MMP26: variants seen among roughly 807,000 people sequenced by gnomAD.
MMP26 encodes matrix metalloproteinase-26.
A neutral mutation model predicts 31.0 loss-of-function variants in MMP26; 33 were observed. The observed-to-expected ratio is 1.06, with a 90% CI of 0.81 to 1.42. MMP26 has a LOEUF of 1.42. Among genes scored for constraint, MMP26 ranks in the 40% most tolerant of loss-of-function variants. The pLI, the probability that MMP26 is intolerant of heterozygous loss-of-function variation, is 0.00. For synonymous variants in MMP26, 122 were observed against 114.9 expected (o/e 1.06, Z -0.40); for missense variants, 347 against 316.1 (o/e 1.10, Z -0.74).
At chr11:4,990,989 A>G (rs1353122928) in intron 5 of MMP26, among the ~76,000 whole-genome samples, 1 of 152,154 alleles carries the variant, frequency 6.6e-6, no homozygotes, top group East Asian at 1.9e-4. Flanking sequence ...TTTCCTTCCA[A>G]AAAGACGATG....
At chr11:4,785,581 T>C (rs1398888882) in intron 2 of MMP26, among the ~76,000 whole-genome samples, 1 of 152,212 alleles carries the variant, frequency 6.6e-6, no homozygotes. Context: ...ACTTTTCAAA[T>C]TCTTAGCTAT....
chr11:4,826,147 C>T (rs1012661723), intron 2 of MMP26, among the ~76,000 whole-genome samples: 1 of 152,076 alleles, frequency 6.6e-6, no homozygotes, highest in African/African-American at 2.4e-5. Context: ...AATCTGCCCT[C>T]TGATAGTTGC....
Position 4,992,322 on chromosome 11 carries a change from C to G in MMP26, c.*80C>G. 1 of 1,387,952 alleles carries G rather than the reference C, an allele frequency of 7.2e-7. No homozygotes were observed. The highest frequency in any genetic ancestry group is 1.0e-6 in the Non-Finnish European group (1 of 1,004,278). The allele number at this position is 1,387,952 out of a possible 1,614,324, so 86.0% of individuals were successfully genotyped here. On this transcript the variant is annotated 3_prime_UTR_variant, in exon 8 of 8. Coordinates refer to ENST00000380390, the MANE Select transcript of MMP26 (RefSeq NM_021801.5). ...CAAAGAACTGAAAGCACTAGAGCAG[C>G]CTTGGGGACTGCTAGGATGAAGCCC...
At chr11:4,907,719 T>C (rs771945971) in intron 2 of MMP26, 3 of 1,613,988 alleles carry the variant, frequency 1.9e-6, no homozygotes, top group Non-Finnish European at 2.5e-6. Flanking sequence ...GTACTTCTAA[T>C]TATGTCTTTG....
chr11:4,806,887 T>G (rs1849277888), intron 2 of MMP26, among the ~76,000 whole-genome samples: 1 of 152,138 alleles, frequency 6.6e-6, no homozygotes, highest in Non-Finnish European at 1.5e-5. Context: ...TTGTATATTC[T>G]GTTTGAGCCG....
intron 2 of MMP26, among the ~76,000 whole-genome samples, chr11:4,856,025 G>A (rs970107450): frequency 2.0e-5 from 3 of 152,164 alleles, no homozygotes; most frequent in African/African-American, 7.2e-5. Flanking sequence ...CAAATGCTGA[G>A]AGATTTTGTC....
chr11:4,964,465 G>T (rs969799042), intron 2 of MMP26, among the ~76,000 whole-genome samples: 1 of 152,050 alleles, frequency 6.6e-6, no homozygotes, highest in East Asian at 1.9e-4. Context: ...TGTTCCATTG[G>T]TTTATGTGTC....
chr11:4,882,752 T>C (rs751805553), intron 2 of MMP26: 5 of 1,613,808 alleles, frequency 3.1e-6, no homozygotes, highest in Non-Finnish European at 4.2e-6. Context: ...TTATCTGCTC[T>C]TACCACCTGT....
intron 2 of MMP26, among the ~76,000 whole-genome samples, chr11:4,910,309 G>A (rs1477799963): frequency 6.6e-6 from 1 of 151,916 alleles, no homozygotes; most frequent in African/African-American, 2.4e-5. Flanking sequence ...TACTTCTAAG[G>A]ATTCATATAA....
At chr11:4,782,150 G>A (rs770934484) in intron 2 of MMP26, among the ~76,000 whole-genome samples, 6 of 152,216 alleles carry the variant, frequency 3.9e-5, no homozygotes, top group African/African-American at 9.7e-5. Flanking sequence ...GTAACAGGCA[G>A]AGGTTCGAAC....
At chr11:4,924,508 T>G (rs1196978483) in intron 2 of MMP26, among the ~76,000 whole-genome samples, 3 of 152,146 alleles carry the variant, frequency 2.0e-5, no homozygotes, top group Non-Finnish European at 2.9e-5. Context: ...CCTTTTCTAC[T>G]GGGTCTAGGA....
intron 1 of MMP26, chr11:4,709,497 G>A: frequency 2.7e-6 from 1 of 365,470 alleles, no homozygotes; most frequent in South Asian, 2.1e-5. Context: ...AGAAGAAAGT[G>A]AAAATGCTTT....
At chr11:4,761,989 G>GA (rs112964880) in intron 1 of MMP26, among the ~76,000 whole-genome samples, 23 of 147,076 alleles carry the variant, frequency 1.6e-4, no homozygotes, top group African/African-American at 3.2e-4. Context: ...CAACTACCAG[G>GA]AAAAAAAAAA....
chr11:4,895,556 A>G (rs1258594469), intron 2 of MMP26, among the ~76,000 whole-genome samples: 2 of 152,222 alleles, frequency 1.3e-5, no homozygotes, highest in African/African-American at 2.4e-5. Context: ...CCGTGAATAA[A>G]CAGTTGCATG....
At chr11:4,838,918 G>T (rs1170996950) in intron 2 of MMP26, among the ~76,000 whole-genome samples, 1 of 152,042 alleles carries the variant, frequency 6.6e-6, no homozygotes, top group Non-Finnish European at 1.5e-5. Flanking sequence ...ACCTTGAATC[G>T]CCGATGCCGC....
chr11:4,936,579 C>A (rs1262259855), intron 2 of MMP26, among the ~76,000 whole-genome samples: 5 of 152,078 alleles, frequency 3.3e-5, no homozygotes, highest in Non-Finnish European at 5.9e-5. Flanking sequence ...ATAGTTAGAT[C>A]TTCACTGATT....
chr11:4,792,098 C>T (rs1400025029), intron 2 of MMP26, among the ~76,000 whole-genome samples: 1 of 151,206 alleles, frequency 6.6e-6, no homozygotes, highest in Non-Finnish European at 1.5e-5. Flanking sequence ...AGCAACAATA[C>T]TTTATAGAAG....
chr11:4,710,338 T>G (rs188442546), intron 1 of MMP26: 119 of 456,740 alleles, frequency 2.6e-4, no homozygotes, highest in African/African-American at 4.0e-5. Context: ...TACATCCCCA[T>G]GATCAGTTTG....
In MMP26 at chr11:4,856,569, A is replaced by T. The variant is rs1203709287; in HGVS notation, c.-145+89228A>T. Among the ~76,000 whole-genome samples the T allele has an allele frequency of 2.6e-5, 4 of 152,306 alleles. No homozygotes were observed. In the East Asian group the frequency reaches 7.7e-4, roughly 29 times the overall value. On this transcript the variant is annotated intron_variant, in intron 2 of 7. Transcript: ENST00000380390. ...CAATACAGGAGCACCCAGATTCATA[A>T]AGCAAGTCCTGAGTGACCTACAAAG...
Sources: allele counts gnomAD v4.1 joint callset (sites outside exome capture counted in the v4.1 genomes callset), GRCh38; gene constraint gnomAD v4.1.1; transcripts MANE v1.5; gene names NCBI Gene and HGNC (gene_info 2026-07-23, HGNC 2026-07-21).